Variants in TNRC6B observed in about 807,000 individuals in gnomAD.
TNRC6B encodes the protein trinucleotide repeat containing adaptor 6B, also known as trinucleotide repeat-containing gene 6B protein.
A neutral mutation model predicts 203.6 loss-of-function variants in TNRC6B; 52 were observed. That is an observed-to-expected ratio of 0.26 (90% confidence interval 0.20 to 0.32). The LOEUF is 0.32. Ranked by LOEUF, TNRC6B falls within the 10% of genes least tolerant of loss-of-function variation. The pLI, the probability that TNRC6B is intolerant of heterozygous loss-of-function variation, is 1.00. For missense variants in TNRC6B, 1,923 were observed against 2,286.2 expected (o/e 0.84, Z 3.24); for synonymous variants, 838 against 845.7 (o/e 0.99, Z 0.16).
chr22:40,077,644 C>A (rs566822024), intron 1 of TNRC6B, among the ~76,000 whole-genome samples: 9 of 152,218 alleles, frequency 5.9e-5, no homozygotes, highest in African/African-American at 9.6e-5. Flanking sequence ...TTAAAAAAAA[C>A]CCTTTATTAC....
intron 1 of TNRC6B, among the ~76,000 whole-genome samples, chr22:40,078,821 C>A (rs1350392968): frequency 6.6e-6 from 1 of 151,460 alleles, no homozygotes; most frequent in Admixed American, 6.6e-5. Flanking sequence ...TGCCTGTAAT[C>A]CCAGCAGTTT....
rs1171749241 is a variant in TNRC6B at position 40,331,748 on chromosome 22, G to T, written c.*8507G>T. 1.9e-5 allele frequency: 6 copies of T among 321,906 alleles called. No homozygotes were observed. The highest frequency in any genetic ancestry group is 3.4e-5 in the Non-Finnish European group (6 of 176,594). 19.9% of individuals were successfully genotyped at this position (321,906 alleles called of 1,614,324 possible). Reference sequence around the variant, plus strand: ...GAATTGTAACTATGCATTCTGCAAAGGGGGTGGGGAGGAGAGGGCAGAAAG... The same window carrying T: ...GAATTGTAACTATGCATTCTGCAAATGGGGTGGGGAGGAGAGGGCAGAAAG... On this transcript the variant is annotated 3_prime_UTR_variant, in exon 23 of 23. Transcript: ENST00000454349.
intron 15 of TNRC6B, among the ~76,000 whole-genome samples, chr22:40,307,461 C>G (rs2071102939): frequency 6.6e-6 from 1 of 152,288 alleles, no homozygotes; most frequent in South Asian, 2.1e-4. Flanking sequence ...TCTCCCCCTC[C>G]CCTGTTTCAT....
intron 4 of TNRC6B, among the ~76,000 whole-genome samples, chr22:40,262,673 C>T (rs757926118): frequency 1.3e-4 from 20 of 152,048 alleles, no homozygotes; most frequent in South Asian, 1.2e-3. Context: ...TTTGTGGGCC[C>T]TGGATTTTGA....
chr22:40,225,668 G>A (rs2069773417), intron 1 of TNRC6B, among the ~76,000 whole-genome samples: 1 of 150,184 alleles, frequency 6.7e-6, no homozygotes, highest in African/African-American at 2.4e-5. Flanking sequence ...GCTTGAACTT[G>A]GGAGGCAGAG....
rs758298650 is a variant in TNRC6B at position 40,322,913 on chromosome 22, G to A, written c.5174G>A (p.Arg1725His). Residue 1725 changes from arginine to histidine, a missense_variant, in exon 23 of 23, where the codon CGC becomes CAC. Physicochemically the swap from Arg to His is conservative, Grantham distance 29 (BLOSUM62 0). This residue lies in a region of TNRC6B where 34 missense variants were observed against 98.5 expected (regional missense o/e 0.35). Coordinates refer to ENST00000454349, the MANE Select transcript of TNRC6B (RefSeq NM_001162501.2). Reference protein sequence around the residue: ...AEFATDDEVSRFLAQAQPPTP... With the variant: ...AEFATDDEVSHFLAQAQPPTP... ...TTTGCCACTGATGATGAAGTCAGCC[G>A]CTTTCTGGCACAAGCTCAGCCCCCT... is the stretch of plus-strand genomic sequence containing the variant. 22 of 1,613,764 alleles carry A rather than the reference G, an allele frequency of 1.4e-5. No homozygotes were observed. Among genetic ancestry groups the A allele is most frequent in the South Asian group, 3.3e-5 (3 of 91,066 alleles).
In TNRC6B at chr22:40,301,170, A is replaced by G; in HGVS notation, c.3957A>G (p.Ala1319=). 2 of 1,540,232 alleles carry G rather than the reference A, an allele frequency of 1.3e-6. No individual in the cohort carries two copies. The highest frequency in any genetic ancestry group is 1.7e-6 in the Non-Finnish European group (2 of 1,144,006). The change falls in exon 15 of 23, where the codon GCA becomes GCG. Residue 1319 remains alanine (A), a synonymous_variant. Transcript: ENST00000454349. The part of the protein sequence containing the change: ...QEQQLARMVS[A]LQQQQQQQQR... ...CTCAGCTGGCTCGAATGGTGAGTGC[A>G]CTGCAGCAGCAGCAGCAGCAGCAGC...
chr22:40,176,700 A>G (rs2069065451), upstream of TNRC6B, among the ~76,000 whole-genome samples: 1 of 152,140 alleles, frequency 6.6e-6, no homozygotes, highest in Non-Finnish European at 1.5e-5. Flanking sequence ...TCTCCTGGGG[A>G]AGACTAATGT....
intron 17 of TNRC6B, 101 bp downstream of exon 17, chr22:40,311,094 C>T: frequency 1.6e-6 from 2 of 1,282,686 alleles, no homozygotes; most frequent in Non-Finnish European, 2.1e-6. Context: ...TACTAAGGTA[C>T]TTGCTTTTAT....
At position 40,261,921 on chromosome 22, in the gene TNRC6B, A is replaced by G; in HGVS notation, c.205A>G (p.Asn69Asp). The change falls in exon 4 of 23, where the codon AAT (asparagine) becomes GAT (aspartate). Residue 69 changes from asparagine (N) to aspartate (D), a missense_variant. Physicochemically the swap from Asn to Asp is conservative, Grantham distance 23. Around this residue, in one of 8 missense-constraint regions of TNRC6B, gnomAD observed 111 missense variants for 155.3 expected, o/e 0.71. Transcript: ENST00000454349. ...ATCGCCACCAGTCAATGGTGGCAAC[A>G]ATGCCAAAAGGGTGGCAGTGCCGAA... ...SPSPPVNGGNNAKRVAVPNGQ... is the reference protein window; with the variant it reads ...SPSPPVNGGNDAKRVAVPNGQ... 2 of 1,611,298 alleles carry G rather than the reference A, an allele frequency of 1.2e-6. No individual in the cohort carries two copies. Among genetic ancestry groups the G allele is most frequent in the Non-Finnish European group, 1.7e-6 (2 of 1,177,876 alleles).
chr22:40,182,848 A>C lies in TNRC6B; in HGVS notation c.5+4708A>C, dbSNP rs990343568. ...AACATTGTCTTTAGCTCTGTGCACT[A>C]TCTCTTCAAAATTATCTTTTGCATT... On this transcript the variant is annotated intron_variant, in intron 1 of 22. Transcript: ENST00000454349. Among the ~76,000 whole-genome samples, 6 of 152,128 alleles carry C rather than the reference A, an allele frequency of 3.9e-5. No homozygotes were observed. In the South Asian group the frequency reaches 1.0e-3, roughly 26 times the overall value.
intron 1 of TNRC6B, among the ~76,000 whole-genome samples, chr22:40,204,624 T>C (rs1200060787): frequency 6.6e-6 from 1 of 152,200 alleles, no homozygotes; most frequent in Non-Finnish European, 1.5e-5. Context: ...CAGGATGTTA[T>C]CTCTAAATGA....
chr22:40,198,931 A>G (rs2069374862), intron 1 of TNRC6B, among the ~76,000 whole-genome samples: 1 of 152,026 alleles, frequency 6.6e-6, no homozygotes, highest in South Asian at 2.1e-4. Flanking sequence ...TGGCTTCTAT[A>G]TCCCATTTTC....
intron 1 of TNRC6B, among the ~76,000 whole-genome samples, chr22:40,075,668 C>G (rs1024953349): frequency 1.3e-5 from 2 of 152,008 alleles, no homozygotes; most frequent in African/African-American, 4.8e-5. Flanking sequence ...TGTTTGTTTT[C>G]TATTTATCCC....
chr22:40,074,645 G>A (rs1448364878), intron 1 of TNRC6B, among the ~76,000 whole-genome samples: 1 of 152,042 alleles, frequency 6.6e-6, no homozygotes, highest in Non-Finnish European at 1.5e-5. Context: ...CAGGCGTGGT[G>A]GTGGGCGCCT....
At position 40,315,345 on chromosome 22, in the gene TNRC6B, C is replaced by T; in HGVS notation, c.4741C>T (p.Leu1581Phe). Reference protein sequence around the residue: ...PDPIGHNPTHLSNKMWKNHIS... With the variant: ...PDPIGHNPTHFSNKMWKNHIS... ...TCCCATAGGACACAACCCCACTCAT[C>T]TCTCCAACAAGATGTGGAAAAACCA... The change falls in exon 20 of 23, where the codon CTC becomes TTC. Residue 1581 changes from leucine (L) to phenylalanine (F), a missense_variant. Physicochemically the swap from Leu to Phe is conservative, Grantham distance 22 (BLOSUM62 0). This residue lies in a region of TNRC6B where 159 missense variants were observed against 181.0 expected (regional missense o/e 0.88). Transcript: ENST00000454349. 6.2e-7 allele frequency: 1 copy of T among 1,614,024 alleles called. No homozygotes were observed. Among genetic ancestry groups the T allele is most frequent in the Non-Finnish European group, 8.5e-7 (1 of 1,179,900 alleles).
chr22:40,062,059 G>A (rs188589254), intron 1 of TNRC6B, among the ~76,000 whole-genome samples: 30 of 152,234 alleles, frequency 2.0e-4, no homozygotes, highest in South Asian at 1.7e-3. Context: ...GGGCAACACA[G>A]CGAGACTCTG....
At chr22:40,270,083 T>G (rs1398546554) in intron 5 of TNRC6B, 39 bp from the exon 6 acceptor site, 1 of 1,557,408 alleles carries the variant, frequency 6.4e-7, no homozygotes, top group Non-Finnish European at 8.7e-7. Context: ...GGCATTTCAT[T>G]TAACAAATGA....
At chr22:40,070,974 A>T (rs555303916) in intron 1 of TNRC6B, among the ~76,000 whole-genome samples, 232 of 152,316 alleles carry the variant, frequency 1.5e-3, no homozygotes, top group Non-Finnish European at 2.4e-3. Context: ...AATTCCCATC[A>T]GGTTTCACCA....
Sources: allele counts gnomAD v4.1 joint callset (sites outside exome capture counted in the v4.1 genomes callset), GRCh38; gene constraint gnomAD v4.1.1; regional missense constraint gnomAD v4.1.1; transcripts MANE v1.5; gene names NCBI Gene and HGNC (gene_info 2026-07-23, HGNC 2026-07-21).